Variants in PRELID2 observed in about 807,000 individuals in gnomAD.
PRELID2 encodes PRELI domain containing 2, also known as PRELI domain-containing protein 2.
A neutral mutation model predicts 28.4 loss-of-function variants in PRELID2; 25 were observed. That is an observed-to-expected ratio of 0.88 (90% CI 0.64 to 1.23). PRELID2 has a LOEUF of 1.23. Ranked by LOEUF, PRELID2 falls within the 50% of genes most tolerant of loss-of-function variation. The probability of loss-of-function intolerance (pLI) is 0.00; values close to 1 mark genes in which losing one functional copy is unlikely to be tolerated. For missense variants in PRELID2, 201 were observed against 214.4 expected (o/e 0.94, Z 0.39); for synonymous variants, 76 against 71.6 (o/e 1.06, Z -0.31).
intron 1 of PRELID2, among the ~76,000 whole-genome samples, chr5:145,494,960 T>G (rs141774458): frequency 2.0e-5 from 3 of 152,308 alleles, no homozygotes; most frequent in South Asian, 4.1e-4. Context: ...AGTGTGCCAA[T>G]GACAATATGT....
the PRELID2 span, among the ~76,000 whole-genome samples, chr5:145,371,885 T>TAAAAAA: frequency 8.0e-6 from 1 of 124,272 alleles, no homozygotes; most frequent in Admixed American, 8.1e-5. Flanking sequence ...TTTTGTTAAT[T>TAAAAAA]TAAAAAAAAA....
At chr5:145,266,592 G>C in the PRELID2 span, among the ~76,000 whole-genome samples, 2 of 152,224 alleles carry the variant, frequency 1.3e-5, no homozygotes, top group Middle Eastern at 6.8e-3. Context: ...CTGTTAGTGG[G>C]AATGTAAACT....
At chr5:145,546,347 A>C (rs1169192381) in intron 1 of PRELID2, among the ~76,000 whole-genome samples, 1 of 152,102 alleles carries the variant, frequency 6.6e-6, no homozygotes, top group Non-Finnish European at 1.5e-5. Context: ...GAGAAAACTC[A>C]AAATTAAACT....
chr5:145,325,052 C>T, the PRELID2 span, among the ~76,000 whole-genome samples: 2 of 152,154 alleles, frequency 1.3e-5, no homozygotes, highest in African/African-American at 2.4e-5. Flanking sequence ...TCAACAAATT[C>T]AGTCATGACA....
At chr5:145,391,550 G>A in the PRELID2 span, among the ~76,000 whole-genome samples, 1 of 152,156 alleles carries the variant, frequency 6.6e-6, no homozygotes, top group African/African-American at 2.4e-5. Context: ...GTTTTATGAT[G>A]GAAGGGGCTG....
intron 1 of PRELID2, among the ~76,000 whole-genome samples, chr5:145,651,336 G>A (rs931951041): frequency 4.6e-5 from 7 of 151,886 alleles, no homozygotes; most frequent in Non-Finnish European, 7.4e-5. Context: ...TGGAGGCAGG[G>A]CATAGCCAAA....
intron 1 of PRELID2, among the ~76,000 whole-genome samples, chr5:145,669,445 ACTC>A (rs919934352): frequency 1.3e-4 from 20 of 151,962 alleles, no homozygotes; most frequent in Admixed American, 1.3e-3. Flanking sequence ...ACACTGCAAA[ACTC>A]CTGTTAACTG....
chr5:145,693,882 G>A (rs987356006), intron 1 of PRELID2, among the ~76,000 whole-genome samples: 1 of 152,154 alleles, frequency 6.6e-6, no homozygotes, highest in Non-Finnish European at 1.5e-5. Flanking sequence ...TAACAGTTGG[G>A]AAGATGGTCT....
the PRELID2 span, among the ~76,000 whole-genome samples, chr5:145,323,760 C>T: frequency 1.9e-3 from 282 of 152,260 alleles, 8 homozygotes; most frequent in East Asian, 0.044. Context: ...TAATGGCCTC[C>T]AGCTCCATCC....
At chr5:145,741,078 A>G (rs1756704490) in intron 1 of PRELID2, among the ~76,000 whole-genome samples, 1 of 118,628 alleles carries the variant, frequency 8.4e-6, no homozygotes, top group South Asian at 2.6e-4. Context: ...ATTTATGTAT[A>G]AATAAAATAA....
Position 145,835,158 on chromosome 5 carries a change from G to C in PRELID2, c.75+19C>G. ...AGCGGAGGCAGCGCGGGATACGGAA[G>C]GTGGAAGCGGGGCGGTACCTTTCGG... On this transcript the variant is annotated intron_variant, in intron 1 of 6. Coordinates refer to ENST00000683046, the MANE Select transcript of PRELID2 (RefSeq NM_205846.3). 1 of 1,531,974 alleles carries C rather than the reference G, an allele frequency of 6.5e-7. No homozygotes were observed. The allele number at this position is 1,531,974 out of a possible 1,614,324, so 94.9% of individuals were successfully genotyped here.
chr5:145,353,840 A>G, the PRELID2 span, among the ~76,000 whole-genome samples: 1 of 152,120 alleles, frequency 6.6e-6, no homozygotes, highest in Non-Finnish European at 1.5e-5. Flanking sequence ...CAAGGGGGAA[A>G]AGCACCTCAA....
chr5:145,511,539 C>A (rs959507294), intron 1 of PRELID2, among the ~76,000 whole-genome samples: 4 of 152,182 alleles, frequency 2.6e-5, no homozygotes, highest in African/African-American at 9.7e-5. Context: ...GCTGTTCTTA[C>A]GTGACAGTAT....
intron 1 of PRELID2, among the ~76,000 whole-genome samples, chr5:145,541,297 T>C (rs1752743532): frequency 6.6e-6 from 1 of 152,110 alleles, no homozygotes; most frequent in African/African-American, 2.4e-5. Flanking sequence ...CAAAGCACAG[T>C]TGAAAATATA....
At chr5:145,613,504 C>T (rs1169514874) in intron 1 of PRELID2, among the ~76,000 whole-genome samples, 1 of 135,184 alleles carries the variant, frequency 7.4e-6, no homozygotes, top group Non-Finnish European at 1.5e-5. Flanking sequence ...TCCAAGTGTT[C>T]TCATTGTTCC....
chr5:145,708,966 T>C (rs1301305289), intron 1 of PRELID2, among the ~76,000 whole-genome samples: 1 of 152,196 alleles, frequency 6.6e-6, no homozygotes, highest in Non-Finnish European at 1.5e-5. Flanking sequence ...GCCAGAAAAC[T>C]ACACAAAGGT....
the PRELID2 span, among the ~76,000 whole-genome samples, chr5:145,413,290 C>A: frequency 2.0e-5 from 3 of 151,974 alleles, no homozygotes; most frequent in East Asian, 5.8e-4. Context: ...TGTGATGCCA[C>A]CTTACTCTTG....
At chr5:145,752,155 G>A (rs1757140084), downstream of PRELID2, among the ~76,000 whole-genome samples, 3 of 152,172 alleles carry the variant, frequency 2.0e-5, no homozygotes, top group South Asian at 2.1e-4. Context: ...CTGACTCCTC[G>A]CTCTTCCCCA....
intron 1 of PRELID2, among the ~76,000 whole-genome samples, chr5:145,520,479 C>T (rs1011417351): frequency 6.6e-6 from 1 of 152,170 alleles, no homozygotes; most frequent in Non-Finnish European, 1.5e-5. Flanking sequence ...TCTTCAGTTT[C>T]CCAACACACA....
Sources: allele counts gnomAD v4.1 joint callset (sites outside exome capture counted in the v4.1 genomes callset), GRCh38; gene constraint gnomAD v4.1.1; transcripts MANE v1.5; gene names NCBI Gene and HGNC (gene_info 2026-07-23, HGNC 2026-07-21).